BICD2: variants seen among roughly 807,000 people sequenced by gnomAD.
BICD2 encodes the protein BICD cargo adaptor 2, also known as protein bicaudal D homolog 2.
In BICD2, 25 loss-of-function variants were observed where a neutral mutation model predicts 72.9. The observed-to-expected ratio is 0.34, with a 90% CI of 0.25 to 0.48. The LOEUF (loss-of-function observed/expected upper bound fraction) is 0.48. Ranked by LOEUF, BICD2 falls within the 20% of genes least tolerant of loss-of-function variation. BICD2 has a pLI of 0.99. For missense variants in BICD2, 894 were observed against 1,175.2 expected, an observed-to-expected ratio of 0.76 and a Z score of 3.50; for synonymous variants, 501 against 516.1, an observed-to-expected ratio of 0.97 and a Z score of 0.40.
In BICD2 at chr9:92,764,394, C is replaced by G. The variant is rs539478446; in HGVS notation, c.240+111G>C. The G allele has an allele frequency of 3.4e-4, 453 of 1,344,442 alleles. 3 individuals carry two copies. In the African/African-American group the frequency reaches 6.4e-3, roughly 19 times the overall value. The allele number at this position is 1,344,442 out of a possible 1,614,324, so 83.3% of individuals were successfully genotyped here. On this transcript the variant is annotated intron_variant, in intron 1 of 6. Transcript: ENST00000356884. This position sits in a 1 kb window ranked among gnomAD's most constrained non-coding sequence, Gnocchi z 5.5. ...GTGCCCCCTCCGCCCCGGCGGCCCA[C>G]CCCTGCCGGCCCCCGCTTGGCAAGC...
chr9:92,728,296 G>C (rs1209589270), intron 2 of BICD2, among the ~76,000 whole-genome samples: 3 of 152,258 alleles, frequency 2.0e-5, no homozygotes, highest in African/African-American at 7.2e-5. Context: ...GGGCCCAAGA[G>C]CCAAGCTGGT....
intron 1 of BICD2, among the ~76,000 whole-genome samples, chr9:92,758,810 C>T (rs982512284): frequency 1.1e-4 from 16 of 149,840 alleles, no homozygotes; most frequent in South Asian, 2.1e-4. Context: ...GCCAAGATCG[C>T]GCCATTGCAC....
chr9:92,717,774 G>A, intron 6 of BICD2, 23 bp downstream of exon 6: 2 of 1,588,618 alleles, frequency 1.3e-6, no homozygotes, highest in East Asian at 2.3e-5. Flanking sequence ...TGGAAGGGGA[G>A]GGCCCGACAG....
chr9:92,722,865 C>T, intron 2 of BICD2, 57 bp from the exon 3 acceptor site: 1 of 1,606,114 alleles, frequency 6.2e-7, no homozygotes, highest in Non-Finnish European at 8.5e-7. Context: ...ACGAGAGGGG[C>T]TCAGTGCAGC....
chr9:92,743,578 C>T (rs775732391), intron 1 of BICD2, among the ~76,000 whole-genome samples: 8 of 152,108 alleles, frequency 5.3e-5, no homozygotes, highest in African/African-American at 9.7e-5. Flanking sequence ...TTTCACTTAA[C>T]GCCTATCTCA....
intron 1 of BICD2, among the ~76,000 whole-genome samples, chr9:92,751,143 G>T (rs148057528): frequency 0.12 from 15,226 of 131,390 alleles, 1,139 homozygotes; most frequent in East Asian, 0.46. Context: ...TTTTGTTGTT[G>T]TTGTTGTTGT....
chr9:92,762,323 G>A (rs1178105305), intron 1 of BICD2, among the ~76,000 whole-genome samples: 1 of 152,118 alleles, frequency 6.6e-6, no homozygotes, highest in African/African-American at 2.4e-5. Flanking sequence ...ATGGGTGTGA[G>A]GAACACGCAT....
intron 1 of BICD2, among the ~76,000 whole-genome samples, chr9:92,736,414 C>T (rs1853788955): frequency 6.6e-6 from 1 of 152,178 alleles, no homozygotes; most frequent in Non-Finnish European, 1.5e-5. Context: ...GAGGTACCCA[C>T]TGTGTAATGT....
At chr9:92,763,236 T>C (rs987600105) in intron 1 of BICD2, among the ~76,000 whole-genome samples, 4 of 151,976 alleles carry the variant, frequency 2.6e-5, no homozygotes, top group Non-Finnish European at 5.9e-5. Context: ...CACAGACGGG[T>C]CTCCTCAGAC....
At chr9:92,738,889 G>A (rs1354293546) in intron 1 of BICD2, among the ~76,000 whole-genome samples, 1 of 152,232 alleles carries the variant, frequency 6.6e-6, no homozygotes, top group Non-Finnish European at 1.5e-5. Flanking sequence ...ACAAAACTGG[G>A]AGCCTCAATT....
In BICD2 at chr9:92,763,432, A is replaced by G. The variant is rs141899450; in HGVS notation, c.240+1073T>C. Reference sequence around the variant, plus strand: ...CACACCAGTCCTTTCCAAATACATGACCCTCACAACAATCCTTTCTGGGCA... The same window carrying G: ...CACACCAGTCCTTTCCAAATACATGGCCCTCACAACAATCCTTTCTGGGCA... On this transcript the variant is annotated intron_variant, in intron 1 of 6. Coordinates refer to ENST00000356884, the MANE Select transcript of BICD2 (RefSeq NM_001003800.2). Among the ~76,000 whole-genome samples, 785 of 151,984 alleles carry G rather than the reference A, an allele frequency of 5.2e-3. 12 individuals are homozygous for G. Among genetic ancestry groups the G allele is most frequent in the Non-Finnish European group, 4.3e-3 (292 of 67,966 alleles).
At chr9:92,733,398 C>G (rs1344512226) in intron 1 of BICD2, among the ~76,000 whole-genome samples, 2 of 151,172 alleles carry the variant, frequency 1.3e-5, no homozygotes, top group Non-Finnish European at 2.9e-5. Context: ...ATTAGCTGGG[C>G]GTGGTGGCGG....
chr9:92,729,841 G>A (rs1290752757), intron 1 of BICD2, among the ~76,000 whole-genome samples: 1 of 152,234 alleles, frequency 6.6e-6, no homozygotes, highest in Admixed American at 6.5e-5. Flanking sequence ...AGAGGGGTGA[G>A]GAACAAGGGG....
intron 2 of BICD2, among the ~76,000 whole-genome samples, chr9:92,724,057 C>A (rs1853517299): frequency 6.6e-6 from 1 of 152,150 alleles, no homozygotes; most frequent in African/African-American, 2.4e-5. Flanking sequence ...ACTCTCTATC[C>A]CCTCCCTGTA....
chr9:92,745,961 C>T (rs1430780719), intron 1 of BICD2, among the ~76,000 whole-genome samples: 1 of 152,184 alleles, frequency 6.6e-6, no homozygotes, highest in African/African-American at 2.4e-5. Context: ...ATCTGGGACT[C>T]GGCCCTTCCT....
rs762107122 is a variant in BICD2 at position 92,720,678 on chromosome 9, A to C, written c.684T>G (p.Asp228Glu). 7 of 1,614,020 alleles carry C rather than the reference A, an allele frequency of 4.3e-6. No homozygotes were observed. The African/African-American group carries it at 9.3e-5, about 22-fold the overall frequency. The change falls in exon 4 of 7, where the codon GAT becomes GAG. Residue 228 changes from aspartate to glutamate, a missense_variant. By Grantham distance (45) the Asp-to-Glu change is conservative. Transcript: ENST00000356884. This position sits in a 1 kb window ranked among gnomAD's most constrained non-coding sequence, Gnocchi z 5.4. ...CTGAGATCTCCTTGAGGCGGATGGC[A>C]TCCTCCAGCTGGCTGTTGAGGTACT... ...ETEYLNSQLE[D>E]AIRLKEISER...
At chr9:92,756,668 C>T (rs1010673466) in intron 1 of BICD2, among the ~76,000 whole-genome samples, 18 of 151,152 alleles carry the variant, frequency 1.2e-4, no homozygotes, top group African/African-American at 3.9e-4. Flanking sequence ...GTCAGGAGTT[C>T]AAGACCTGCC....
chr9:92,742,138 G>A (rs996131273), intron 1 of BICD2, among the ~76,000 whole-genome samples: 4 of 152,138 alleles, frequency 2.6e-5, no homozygotes, highest in South Asian at 2.1e-4. Context: ...CATGTGATAT[G>A]GGTACCACAG....
At chr9:92,757,312 CAAAAAAAAAAAAAAA>C (rs1169381290) in intron 1 of BICD2, among the ~76,000 whole-genome samples, 1 of 52,748 alleles carries the variant, frequency 1.9e-5, no homozygotes, top group East Asian at 3.7e-4. Context: ...AGACTGTCTC[CAAAAAAAAAAAAAAA>C]AAAAAAAAAA....
Sources: gnomAD v4.1 joint callset for allele counts (sites outside exome capture counted in the v4.1 genomes callset) on GRCh38, gnomAD v4.1.1 for gene constraint, Gnocchi (gnomAD v3.1) non-coding constraint, MANE v1.5 for transcripts, NCBI Gene and HGNC (gene_info 2026-07-23, HGNC 2026-07-21) for gene names.